Variants in FOXP1 observed in about 807,000 individuals in gnomAD.
FOXP1 encodes forkhead box P1, also known as forkhead box protein P1.
In FOXP1, 15 loss-of-function variants were observed where a neutral mutation model predicts 98.2. The ratio of observed to expected loss-of-function variants is 0.15; its 90% confidence interval spans 0.10 to 0.24. The LOEUF (loss-of-function observed/expected upper bound fraction) is 0.24. FOXP1 is among the 10% of genes least tolerant of loss of function. FOXP1 has a pLI of 1.00. For synonymous variants in FOXP1, 371 were observed against 314.5 expected (o/e 1.18, Z -1.90); for missense variants, 633 against 848.5 (o/e 0.75, Z 3.15).
chr3:71,021,877 G>T (rs1035933085), intron 11 of FOXP1, among the ~76,000 whole-genome samples: 15 of 152,070 alleles, frequency 9.9e-5, no homozygotes, highest in Non-Finnish European at 1.0e-4. Flanking sequence ...GCTGTTTTTT[G>T]CAAATATTTA....
chr3:71,097,449 A>C (rs2056572149), intron 7 of FOXP1, among the ~76,000 whole-genome samples: 1 of 152,310 alleles, frequency 6.6e-6, no homozygotes, highest in South Asian at 2.1e-4. Flanking sequence ...CTTTACAGAG[A>C]AATTTTGTTA....
chr3:71,544,363 G>C (rs982585114), intron 2 of FOXP1, among the ~76,000 whole-genome samples: 2 of 140,986 alleles, frequency 1.4e-5, no homozygotes, highest in Admixed American at 1.4e-4. Context: ...TGTATCAAAG[G>C]AAAGTAAAGA....
intron 2 of FOXP1, among the ~76,000 whole-genome samples, chr3:71,555,327 G>A (rs968936842): frequency 6.6e-6 from 1 of 152,146 alleles, no homozygotes; most frequent in Non-Finnish European, 1.5e-5. Context: ...CTGAAACAGA[G>A]GTGTTCATAA....
intron 12 of FOXP1, among the ~76,000 whole-genome samples, chr3:71,011,029 A>G (rs2043533512): frequency 6.6e-6 from 1 of 152,166 alleles, no homozygotes; most frequent in South Asian, 2.1e-4. Context: ...TTTCCACTGC[A>G]CTAGGCAAGA....
At chr3:71,442,237 C>T in intron 3 of FOXP1, among the ~76,000 whole-genome samples, 1 of 152,186 alleles carries the variant, frequency 6.6e-6, no homozygotes, top group East Asian at 1.9e-4. Context: ...ACATTGTACG[C>T]ATACTTCTCT....
chr3:71,024,470 T>C (rs1308533543), intron 11 of FOXP1, among the ~76,000 whole-genome samples: 6 of 152,186 alleles, frequency 3.9e-5, no homozygotes, highest in African/African-American at 1.4e-4. Flanking sequence ...AAGGGTGTTT[T>C]ATTAAAGCCT....
At chr3:71,562,190 A>G (rs1381204336) in intron 2 of FOXP1, among the ~76,000 whole-genome samples, 2 of 152,182 alleles carry the variant, frequency 1.3e-5, no homozygotes, top group African/African-American at 4.8e-5. Flanking sequence ...CTGGACAGGG[A>G]GCAATGATAA....
intron 3 of FOXP1, among the ~76,000 whole-genome samples, chr3:71,478,385 A>T (rs958383155): frequency 1.3e-5 from 2 of 152,216 alleles, no homozygotes; most frequent in Non-Finnish European, 1.5e-5. Context: ...ATAAATACTA[A>T]AAAGGGGCCA....
intron 3 of FOXP1, among the ~76,000 whole-genome samples, chr3:71,469,163 A>G (rs1448390925): frequency 6.6e-6 from 1 of 152,250 alleles, no homozygotes; most frequent in African/African-American, 2.4e-5. Flanking sequence ...CATGATTATC[A>G]TTACATCAAG....
intron 5 of FOXP1, among the ~76,000 whole-genome samples, chr3:71,205,839 A>C (rs748375818): frequency 1.6e-4 from 24 of 152,262 alleles, no homozygotes; most frequent in Admixed American, 6.5e-4. Flanking sequence ...TGACCAACGC[A>C]AGCAAGGAAC....
chr3:71,053,861 C>A, intron 7 of FOXP1, 88 bp from the exon 8 acceptor site: 2 of 1,474,728 alleles, frequency 1.4e-6, no homozygotes, highest in African/African-American at 2.8e-5. Flanking sequence ...CATCAGCCTG[C>A]TTAAAGAGTT....
intron 2 of FOXP1, among the ~76,000 whole-genome samples, chr3:71,527,719 GA>G (rs963527658): frequency 9.2e-5 from 14 of 152,058 alleles, no homozygotes; most frequent in Non-Finnish European, 1.3e-4. Flanking sequence ...CAATAGGGGG[GA>G]AAAAACAAAG....
intron 11 of FOXP1, among the ~76,000 whole-genome samples, chr3:71,035,338 C>T (rs1039642272): frequency 6.6e-6 from 1 of 152,196 alleles, no homozygotes; most frequent in Non-Finnish European, 1.5e-5. Context: ...ATCTGAGAAA[C>T]ACCAGGCTAA....
At position 71,456,812 on chromosome 3, in the gene FOXP1, T is replaced by C. The variant is rs140156976; in HGVS notation, c.-168+36614A>G. On this transcript the variant is annotated intron_variant, in intron 3 of 20. Transcript: ENST00000649528. ...TCAGAAAGTCAGTTATTGGTAGTTTTTTTTTTTTTCTGTGATATATCTATG... is the reference window on the plus strand; with the variant it reads ...TCAGAAAGTCAGTTATTGGTAGTTTCTTTTTTTTTCTGTGATATATCTATG... 1.6e-3 allele frequency among the ~76,000 whole-genome samples: 240 copies of C among 152,250 alleles called. 3 individuals are homozygous for C. Among genetic ancestry groups the C allele is most frequent in the African/African-American group, 5.6e-3 (231 of 41,532 alleles).
chr3:71,521,542 G>A (rs1163293087), intron 2 of FOXP1, among the ~76,000 whole-genome samples: 1 of 150,844 alleles, frequency 6.6e-6, no homozygotes, highest in African/African-American at 2.4e-5. Context: ...AAAAAGGGCA[G>A]GGGGAGGGGG....
intron 5 of FOXP1, among the ~76,000 whole-genome samples, chr3:71,283,734 ATGTT>A (rs749000943): frequency 5.9e-4 from 90 of 152,284 alleles, no homozygotes; most frequent in Non-Finnish European, 1.0e-3. Context: ...TGGTTTTTTT[ATGTT>A]TGTTTGTTCA....
chr3:71,350,523 G>A (rs1290074361), intron 4 of FOXP1, among the ~76,000 whole-genome samples: 1 of 152,188 alleles, frequency 6.6e-6, no homozygotes, highest in African/African-American at 2.4e-5. Flanking sequence ...GCAGATGGTA[G>A]GTGGATGGTT....
intron 3 of FOXP1, among the ~76,000 whole-genome samples, chr3:71,456,195 A>G (rs1218163166): frequency 2.0e-5 from 3 of 152,160 alleles, no homozygotes; most frequent in Non-Finnish European, 4.4e-5. Flanking sequence ...TTTTGAAACC[A>G]ACAAACAAGT....
At chr3:71,549,770 T>C (rs2045628120) in intron 2 of FOXP1, among the ~76,000 whole-genome samples, 1 of 142,682 alleles carries the variant, frequency 7.0e-6, no homozygotes, top group Non-Finnish European at 1.5e-5. Context: ...AACTGTAACA[T>C]CAAATCATCA....
Sources: allele counts gnomAD v4.1 joint callset (sites outside exome capture counted in the v4.1 genomes callset), GRCh38; gene constraint gnomAD v4.1.1; transcripts MANE v1.5; gene names NCBI Gene and HGNC (gene_info 2026-07-23, HGNC 2026-07-21).